Variants in SYT9 observed in about 807,000 individuals in gnomAD.
SYT9 encodes the protein synaptotagmin 9, also known as synaptotagmin-9.
In SYT9, 22 loss-of-function variants were observed where a neutral mutation model predicts 48.4. The observed-to-expected ratio is 0.45, with a 90% CI of 0.32 to 0.65. SYT9 has a LOEUF of 0.65. Ranked by LOEUF, SYT9 falls within the 30% of genes least tolerant of loss-of-function variation. SYT9 has a pLI of 0.03. For synonymous variants in SYT9, 265 were observed against 245.0 expected, an observed-to-expected ratio of 1.08 and a Z score of -0.76; for missense variants, 577 against 622.0, an observed-to-expected ratio of 0.93 and a Z score of 0.77.
intron 3 of SYT9, among the ~76,000 whole-genome samples, chr11:7,383,781 G>A (rs190619136): frequency 1.5e-4 from 23 of 152,222 alleles, no homozygotes; most frequent in East Asian, 7.7e-4. Flanking sequence ...TTTATTTCAC[G>A]TTGCAGAATG....
At chr11:7,349,114 C>T (rs1159280210) in intron 3 of SYT9, among the ~76,000 whole-genome samples, 3 of 151,966 alleles carry the variant, frequency 2.0e-5, no homozygotes, top group Non-Finnish European at 4.4e-5. Context: ...TAGGAGATTT[C>T]AAGTGGGCTC....
At chr11:7,431,228 C>T (rs923757206) in intron 6 of SYT9, among the ~76,000 whole-genome samples, 2 of 152,174 alleles carry the variant, frequency 1.3e-5, no homozygotes, top group African/African-American at 4.8e-5. Flanking sequence ...TAGCAAAGAA[C>T]TCGGTTGTAT....
At chr11:7,459,919 T>G (rs1187650413) in intron 6 of SYT9, among the ~76,000 whole-genome samples, 1 of 152,178 alleles carries the variant, frequency 6.6e-6, no homozygotes, top group African/African-American at 2.4e-5. Context: ...ACTGGTACCT[T>G]GACTTCAGAC....
chr11:7,271,494 G>A (rs970634332), intron 1 of SYT9, among the ~76,000 whole-genome samples: 1 of 152,206 alleles, frequency 6.6e-6, no homozygotes, highest in Non-Finnish European at 1.5e-5. Context: ...AGGGGCAAGG[G>A]AGAAATGGAT....
intron 1 of SYT9, among the ~76,000 whole-genome samples, chr11:7,261,357 G>A (rs1307965989): frequency 6.6e-6 from 1 of 152,088 alleles, no homozygotes; most frequent in Non-Finnish European, 1.5e-5. Context: ...TGATTGGAGA[G>A]GTTATAGTAG....
chr11:7,361,227 TGTG>T (rs1167562920), intron 3 of SYT9, among the ~76,000 whole-genome samples: 2 of 152,178 alleles, frequency 1.3e-5, no homozygotes, highest in Non-Finnish European at 2.9e-5. Flanking sequence ...AACTTTTTGA[TGTG>T]GTCTTTCATT....
chr11:7,443,762 C>G (rs80094504), intron 6 of SYT9, among the ~76,000 whole-genome samples: 1 of 152,342 alleles, frequency 6.6e-6, no homozygotes, highest in East Asian at 1.9e-4. Flanking sequence ...CATATCTGCT[C>G]TATTTGCCAT....
chr11:7,240,741 G>T (rs1847731924), intron 1 of SYT9, among the ~76,000 whole-genome samples: 1 of 152,036 alleles, frequency 6.6e-6, no homozygotes, highest in African/African-American at 2.4e-5. Context: ...TTAATCAATG[G>T]AGGTTAAAGT....
chr11:7,332,482 C>A (rs764857185), intron 3 of SYT9, among the ~76,000 whole-genome samples: 1 of 152,156 alleles, frequency 6.6e-6, no homozygotes, highest in Non-Finnish European at 1.5e-5. Context: ...TGCAGTGTGA[C>A]AGGACAATGG....
At chr11:7,272,890 T>C (rs1848322343) in intron 1 of SYT9, among the ~76,000 whole-genome samples, 2 of 152,196 alleles carry the variant, frequency 1.3e-5, no homozygotes, top group Admixed American at 1.3e-4. Flanking sequence ...TGAAGTGGCA[T>C]GTGACCTTAG....
At chr11:7,377,808 C>G (rs1850482249) in intron 3 of SYT9, among the ~76,000 whole-genome samples, 1 of 152,164 alleles carries the variant, frequency 6.6e-6, no homozygotes, top group Non-Finnish European at 1.5e-5. Context: ...ATGGGCTCCC[C>G]ACTTGGGAAT....
chr11:7,369,976 G>T (rs1238323006), intron 3 of SYT9, among the ~76,000 whole-genome samples: 2 of 152,026 alleles, frequency 1.3e-5, no homozygotes, highest in Non-Finnish European at 2.9e-5. Flanking sequence ...ACGGTGATTT[G>T]TGAGATTTTG....
chr11:7,402,134 C>T (rs917625423), intron 3 of SYT9, among the ~76,000 whole-genome samples: 1 of 151,854 alleles, frequency 6.6e-6, no homozygotes, highest in African/African-American at 2.4e-5. Flanking sequence ...TTCTAAATAT[C>T]TGGAGATTTT....
intron 3 of SYT9, among the ~76,000 whole-genome samples, chr11:7,371,074 T>C (rs1850352877): frequency 6.6e-6 from 1 of 152,188 alleles, no homozygotes; most frequent in Admixed American, 6.5e-5. Context: ...ATCTTCACTT[T>C]TCTGATAGCA....
intron 3 of SYT9, among the ~76,000 whole-genome samples, chr11:7,349,122 C>T (rs1849859364): frequency 6.6e-6 from 1 of 151,996 alleles, no homozygotes; most frequent in South Asian, 2.1e-4. Context: ...TTCAAGTGGG[C>T]TCCTGCTCAC....
At chr11:7,246,628 A>G (rs1358910539) in intron 1 of SYT9, among the ~76,000 whole-genome samples, 1 of 152,188 alleles carries the variant, frequency 6.6e-6, no homozygotes, top group African/African-American at 2.4e-5. Context: ...TCTATCATTT[A>G]CCAGTTTTTT....
chr11:7,305,502 C>T (rs1849014589), intron 2 of SYT9, among the ~76,000 whole-genome samples: 1 of 152,104 alleles, frequency 6.6e-6, no homozygotes, highest in South Asian at 2.1e-4. Flanking sequence ...TGAGAAAATG[C>T]ACACACACAT....
intron 3 of SYT9, among the ~76,000 whole-genome samples, chr11:7,326,480 T>TGC (rs1849437554): frequency 6.9e-6 from 1 of 145,442 alleles, no homozygotes; most frequent in Admixed American, 7.0e-5. Context: ...CATTTTTTAT[T>TGC]GTGCCTATTT....
intron 3 of SYT9, among the ~76,000 whole-genome samples, chr11:7,387,511 CGAT>C (rs1476580339): frequency 2.6e-5 from 4 of 152,088 alleles, no homozygotes; most frequent in African/African-American, 9.7e-5. Context: ...TGTCGTCTAA[CGAT>C]AATGACAGAA....
Sources: allele counts gnomAD v4.1 joint callset (sites outside exome capture counted in the v4.1 genomes callset), GRCh38; gene constraint gnomAD v4.1.1; transcripts MANE v1.5; gene names NCBI Gene and HGNC (gene_info 2026-07-23, HGNC 2026-07-21).